The following MACO1 variants were observed in gnomAD, a reference collection of about 807,000 sequenced individuals.
MACO1 encodes the protein macoilin 1.
MACO1 carries 14 observed loss-of-function variants against 78.7 expected under a neutral mutation model. That is an observed-to-expected ratio of 0.18 (90% CI 0.12 to 0.28). MACO1 has a LOEUF of 0.28. Among genes scored for constraint, MACO1 ranks in the 10% least tolerant of loss-of-function variants. The probability of loss-of-function intolerance (pLI) is 1.00; values close to 1 mark genes in which losing one functional copy is unlikely to be tolerated. For synonymous variants in MACO1, 288 were observed against 291.6 expected (o/e 0.99, Z 0.12); for missense variants, 501 against 799.0 (o/e 0.63, Z 4.50).
intron 3 of MACO1, among the ~76,000 whole-genome samples, chr1:25,452,915 T>C (rs2043080353): frequency 6.6e-6 from 1 of 152,102 alleles, no homozygotes; most frequent in Non-Finnish European, 1.5e-5. Flanking sequence ...CAGGCTGGTC[T>C]TGAACTCCTG....
At chr1:25,479,458 G>T (rs748910895) in intron 6 of MACO1, among the ~76,000 whole-genome samples, 1 of 151,944 alleles carries the variant, frequency 6.6e-6, no homozygotes, top group Non-Finnish European at 1.5e-5. Context: ...CTGTCGCCCA[G>T]ACTGGAGTGC....
intron 6 of MACO1, among the ~76,000 whole-genome samples, chr1:25,478,950 A>T (rs1409098305): frequency 6.6e-6 from 1 of 151,552 alleles, no homozygotes; most frequent in Non-Finnish European, 1.5e-5. Context: ...CTGGCCCATT[A>T]TTTTTTTTTT....
At position 25,471,184 on chromosome 1, in the gene MACO1, C is replaced by A. The variant is rs1002469090; in HGVS notation, c.1154+12292C>A. Among the ~76,000 whole-genome samples, 7 of 151,058 alleles carry A rather than the reference C, an allele frequency of 4.6e-5. No homozygotes were observed. In the East Asian group the frequency reaches 1.4e-3, roughly 29 times the overall value. On this transcript the variant is annotated intron_variant, in intron 6 of 10. Coordinates refer to ENST00000374343, the MANE Select transcript of MACO1 (RefSeq NM_018202.6). Reference sequence around the variant, plus strand: ...CAAAACTCTGTCTCTACTAAAAATACAAAAATTAGCTGAGTGCAGTGGCGG... The same window carrying A: ...CAAAACTCTGTCTCTACTAAAAATAAAAAAATTAGCTGAGTGCAGTGGCGG...
At chr1:25,466,801 T>G (rs1012618156) in intron 6 of MACO1, among the ~76,000 whole-genome samples, 1 of 152,252 alleles carries the variant, frequency 6.6e-6, no homozygotes, top group African/African-American at 2.4e-5. Flanking sequence ...GAGGTCTAGC[T>G]TGTCAATTTT....
chr1:25,456,372 AC>A (rs1359723972), intron 4 of MACO1, among the ~76,000 whole-genome samples: 1 of 151,902 alleles, frequency 6.6e-6, no homozygotes, highest in African/African-American at 2.4e-5. Context: ...CACTGTGGTG[AC>A]TCCTTGAATT....
intron 6 of MACO1, among the ~76,000 whole-genome samples, chr1:25,459,852 G>A (rs2043155875): frequency 6.6e-6 from 1 of 152,086 alleles, no homozygotes; most frequent in Non-Finnish European, 1.5e-5. Context: ...GCTTATGTTA[G>A]GCAAACACAA....
chr1:25,455,705 T>C (rs1285584790), intron 4 of MACO1, among the ~76,000 whole-genome samples: 1 of 152,204 alleles, frequency 6.6e-6, no homozygotes, highest in Admixed American at 6.5e-5. Flanking sequence ...AACCAAATCT[T>C]GGCACTGATC....
Position 25,492,386 on chromosome 1 carries a change from G to A in MACO1, c.1792+802G>A, listed in dbSNP as rs192693170. Among the ~76,000 whole-genome samples the A allele has an allele frequency of 5.2e-3, 794 of 152,238 alleles. 6 individuals are homozygous for A. Among genetic ancestry groups the A allele is most frequent in the African/African-American group, 0.018 (733 of 41,526 alleles). ...GGCAGGGGTCTCCCTTTTTAACAGG[G>A]CAATCATGGAAAATCCCTTGAGTAG... is the stretch of plus-strand genomic sequence containing the variant. On this transcript the variant is annotated intron_variant, in intron 10 of 10. Transcript: ENST00000374343.
At position 25,467,731 on chromosome 1, in the gene MACO1, A is replaced by ATT. The variant is rs34155576; in HGVS notation, c.1154+8856_1154+8857dup. On this transcript the variant is annotated intron_variant, in intron 6 of 10. Coordinates refer to ENST00000374343, the MANE Select transcript of MACO1 (RefSeq NM_018202.6). ...AAACTGAGTAGAAATTAGAATGATG[A>ATT]TTTTTTTTTTTTTTTTTTGCAAGTA... 3.4e-3 allele frequency among the ~76,000 whole-genome samples: 462 copies of ATT among 134,192 alleles called. 3 individuals carry two copies. The highest frequency in any genetic ancestry group is 0.011 in the African/African-American group (415 of 36,464). 88.0% of individuals were successfully genotyped at this position (134,192 alleles called of 152,430 possible).
intron 6 of MACO1, among the ~76,000 whole-genome samples, chr1:25,482,600 A>G (rs965984799): frequency 1.3e-5 from 2 of 152,160 alleles, no homozygotes; most frequent in African/African-American, 4.8e-5. Context: ...TCAGGGCCCA[A>G]GTCAATCTCT....
At chr1:25,461,835 T>C (rs1300266403) in intron 6 of MACO1, among the ~76,000 whole-genome samples, 1 of 152,264 alleles carries the variant, frequency 6.6e-6, no homozygotes, top group Non-Finnish European at 1.5e-5. Flanking sequence ...ATAGTTGTTA[T>C]CCCTTGATAG....
chr1:25,439,654 T>TCA (rs964015162), intron 1 of MACO1, among the ~76,000 whole-genome samples: 2 of 151,352 alleles, frequency 1.3e-5, no homozygotes, highest in African/African-American at 4.8e-5. Flanking sequence ...ATGTTAAGGC[T>TCA]CACACACAAA....
At chr1:25,482,566 A>G (rs61775191) in intron 6 of MACO1, among the ~76,000 whole-genome samples, 63,210 of 151,892 alleles carry the variant, frequency 0.42, 14,457 homozygotes, top group East Asian at 0.73. Flanking sequence ...CTCCTCTTCT[A>G]CTTCTCCAAA....
At chr1:25,483,578 CA>C (rs1295137933) in intron 6 of MACO1, among the ~76,000 whole-genome samples, 3 of 152,172 alleles carry the variant, frequency 2.0e-5, no homozygotes, top group African/African-American at 7.2e-5. Context: ...TCTTCTGCCG[CA>C]ATCACCAGAG....
Position 25,487,188 on chromosome 1 carries a change from C to CT in MACO1, c.1496+1394dup, listed in dbSNP as rs554802421. Among the ~76,000 whole-genome samples, 306 of 152,262 alleles carry CT rather than the reference C, an allele frequency of 2.0e-3. 1 individual carries two copies. The highest frequency in any genetic ancestry group is 6.9e-3 in the African/African-American group (285 of 41,540). Reference sequence around the variant, plus strand: ...CTTCTTTTTGAGACGGAGTCTAACTCTGTCACCCAGGCTGGAGTGCAGTGG... The same window carrying CT: ...CTTCTTTTTGAGACGGAGTCTAACTCTTGTCACCCAGGCTGGAGTGCAGTGG... On this transcript the variant is annotated intron_variant, in intron 8 of 10. Transcript: ENST00000374343.
intron 6 of MACO1, 123 bp downstream of exon 6, chr1:25,459,015 G>A: frequency 7.9e-7 from 1 of 1,271,766 alleles, no homozygotes; most frequent in East Asian, 2.4e-5. Flanking sequence ...GACGTGTGGT[G>A]TTTTACATGA....
intron 6 of MACO1, among the ~76,000 whole-genome samples, chr1:25,478,535 CT>C (rs2043342941): frequency 6.6e-6 from 1 of 152,170 alleles, no homozygotes; most frequent in Admixed American, 6.6e-5. Flanking sequence ...AAACTTGACA[CT>C]TTTGCTTTGA....
At chr1:25,471,889 G>A (rs1425721912) in intron 6 of MACO1, among the ~76,000 whole-genome samples, 1 of 152,176 alleles carries the variant, frequency 6.6e-6, no homozygotes, top group Non-Finnish European at 1.5e-5. Flanking sequence ...CACTCCGTCA[G>A]TAGTTTTTCC....
At chr1:25,459,597 C>A (rs1343126588) in intron 6 of MACO1, among the ~76,000 whole-genome samples, 2 of 151,608 alleles carry the variant, frequency 1.3e-5, no homozygotes, top group African/African-American at 4.9e-5. Flanking sequence ...GCCTCAGCCT[C>A]CCAACTAACT....
Sources: allele counts gnomAD v4.1 joint callset (sites outside exome capture counted in the v4.1 genomes callset), GRCh38; gene constraint gnomAD v4.1.1; transcripts MANE v1.5; gene names NCBI Gene and HGNC (gene_info 2026-07-23, HGNC 2026-07-21).